Variants in HMX1 observed in about 807,000 individuals in gnomAD.
The protein encoded by HMX1 is homeobox protein HMX1.
A neutral mutation model predicts 8.9 loss-of-function variants in HMX1; 8 were observed. That is an observed-to-expected ratio of 0.90 (90% confidence interval 0.53 to 1.63). The LOEUF is 1.63. Ranked by LOEUF, HMX1 falls within the 40% of genes most tolerant of loss-of-function variation. HMX1 has a pLI of 0.00. For synonymous variants in HMX1, 311 were observed against 283.4 expected (o/e 1.10, Z -0.98); for missense variants, 621 against 558.5 (o/e 1.11, Z -1.13).
At chr4:8,863,600 G>A (rs545838400), downstream of HMX1, among the ~76,000 whole-genome samples, 1 of 152,274 alleles carries the variant, frequency 6.6e-6, no homozygotes, top group Non-Finnish European at 1.5e-5. Flanking sequence ...ATGGGGGTTC[G>A]GGAGTGCAAA....
chr4:8,857,843 C>T (rs1721663671), intron 1 of HMX1, among the ~76,000 whole-genome samples: 1 of 152,142 alleles, frequency 6.6e-6, no homozygotes. Context: ...CAGAGAAGTG[C>T]GCTCCTCCAG....
Position 8,870,180 on chromosome 4 carries a change from G to T in HMX1, c.394+1041C>A, listed in dbSNP as rs543826838. On this transcript the variant is annotated intron_variant, in intron 1 of 1. Coordinates refer to ENST00000400677, the MANE Select transcript of HMX1 (RefSeq NM_018942.3). The surrounding 1 kb of genome is among the most constrained non-coding windows in gnomAD (Gnocchi z 4.4). The stretch of plus-strand genomic sequence containing the variant: ...GATCCCAGAGCCGGAGCCTGCAGAG[G>T]GCCCACGTCCTCAGCTGGCCTCAAG... 3.3e-5 allele frequency among the ~76,000 whole-genome samples: 5 copies of T among 152,076 alleles called. No homozygotes were observed. Among genetic ancestry groups the T allele is most frequent in the African/African-American group, 1.2e-4 (5 of 41,480 alleles).
chr4:8,862,067 C>T (rs547483229), downstream of HMX1, among the ~76,000 whole-genome samples: 310 of 152,364 alleles, frequency 2.0e-3, 1 homozygote, highest in African/African-American at 7.2e-3. Context: ...GAGGCGACGC[C>T]CCGGCGCCAG....
At position 8,868,452 on chromosome 4, in the gene HMX1, G is replaced by A; in HGVS notation, c.395-107C>T. On this transcript the variant is annotated intron_variant, in intron 1 of 1. Transcript: ENST00000400677. The surrounding 1 kb of genome is among the most constrained non-coding windows in gnomAD (Gnocchi z 4.6). ...TGAGGTCGCTCACAGCCACAAGCAG[G>A]AAGACCTTCCAGCACAGGGCTGGGC... 1.1e-6 allele frequency: 1 copy of A among 894,232 alleles called. No homozygotes were observed. The highest frequency in any genetic ancestry group is 1.5e-6 in the Non-Finnish European group (1 of 673,826). The allele number at this position is 894,232 out of a possible 1,614,324, so 55.4% of individuals were successfully genotyped here. A position where few individuals can be genotyped will look rare whatever the true frequency, so the allele number is the denominator to read the frequency against.
chr4:8,861,016 C>T (rs1721791931), intron 1 of HMX1, among the ~76,000 whole-genome samples: 1 of 151,494 alleles, frequency 6.6e-6, no homozygotes, highest in Non-Finnish European at 1.5e-5. Context: ...GGGCGGGGCG[C>T]CCGGGAGGGC....
rs576356386 is a variant in HMX1, at chr4:8,870,143, G to A, written c.394+1078C>T. Among the ~76,000 whole-genome samples, 1 of 152,154 alleles carries A rather than the reference G, an allele frequency of 6.6e-6. No homozygotes were observed. Among genetic ancestry groups the A allele is most frequent in the African/African-American group, 2.4e-5 (1 of 41,498 alleles). On this transcript the variant is annotated intron_variant, in intron 1 of 1. Coordinates refer to ENST00000400677, the MANE Select transcript of HMX1 (RefSeq NM_018942.3). This position sits in a 1 kb window ranked among gnomAD's most constrained non-coding sequence, Gnocchi z 4.4. ...CCCAGCACACACTAATATTCATACA[G>A]AGGACAGCATGGATCCCAGAGCCGG... is the stretch of plus-strand genomic sequence containing the variant.
intron 1 of HMX1, among the ~76,000 whole-genome samples, chr4:8,855,503 A>T (rs1186235230): frequency 2.6e-5 from 4 of 151,992 alleles, no homozygotes; most frequent in Non-Finnish European, 4.4e-5. Flanking sequence ...CTCCTAGCAC[A>T]CTCTGGGGGT....
At chr4:8,858,199 C>A (rs1372072790) in intron 1 of HMX1, among the ~76,000 whole-genome samples, 2 of 152,210 alleles carry the variant, frequency 1.3e-5, no homozygotes, top group East Asian at 2.0e-4. Context: ...ATGAGCGAGG[C>A]CCGGATGTGC....
In HMX1 at chr4:8,871,261, T is replaced by C; in HGVS notation, c.354A>G (p.Pro118=). The change falls in exon 1 of 2, where the codon CCA becomes CCG. Residue 118 remains proline (P), a synonymous_variant. Coordinates refer to ENST00000400677, the MANE Select transcript of HMX1 (RefSeq NM_018942.3). This position sits in a 1 kb window ranked among gnomAD's most constrained non-coding sequence, Gnocchi z 4.8. ...CGCCTCCATAGCCACCGTGCGCCCG[T>C]GGGTACCAGCGCGCTGCGCCTCCGC... ...LGCGGAARWY[P]RAHGGYGGGL... The C allele has an allele frequency of 6.7e-7, 1 of 1,485,570 alleles. No individual in the cohort carries two copies. Among genetic ancestry groups the C allele is most frequent in the South Asian group, 1.2e-5 (1 of 80,322 alleles). 92.0% of individuals were successfully genotyped at this position (1,485,570 alleles called of 1,614,324 possible).
At chr4:8,861,133 G>A (rs968765291) in intron 1 of HMX1, among the ~76,000 whole-genome samples, 1 of 152,158 alleles carries the variant, frequency 6.6e-6, no homozygotes. Flanking sequence ...TCGGGGTTCC[G>A]TTCCATCTAG....
chr4:8,854,483 T>C (rs1721550407), intron 1 of HMX1, among the ~76,000 whole-genome samples: 1 of 152,232 alleles, frequency 6.6e-6, no homozygotes, highest in South Asian at 2.1e-4. Flanking sequence ...GTGCAAACAC[T>C]GAGGTTCCCC....
At position 8,849,653 on chromosome 4, in the gene HMX1, T is replaced by TC. The variant is rs948309713; in HGVS notation, c.395-3330dup. On this transcript the variant is annotated intron_variant, in intron 1 of 1. Transcript: ENST00000506970. The surrounding 1 kb of genome is among the most constrained non-coding windows in gnomAD (Gnocchi z 6.6). The stretch of plus-strand genomic sequence containing the variant: ...CACACGCAGGGCAGCTCTCCTGGGG[T>TC]CCCCCCGGCCCCAGCGTGCGGTCTT... Among the ~76,000 whole-genome samples the TC allele has an allele frequency of 4.0e-5, 6 of 148,924 alleles. No homozygotes were observed. The East Asian group carries it at 1.1e-3, about 28-fold the overall frequency.
chr4:8,857,320 G>T (rs1721638714), intron 1 of HMX1, among the ~76,000 whole-genome samples: 1 of 152,198 alleles, frequency 6.6e-6, no homozygotes, highest in African/African-American at 2.4e-5. Flanking sequence ...AGTCCTGGAG[G>T]GTCGGGCGGC....
chr4:8,864,406 G>A (rs1043905615), downstream of HMX1, among the ~76,000 whole-genome samples: 5 of 152,118 alleles, frequency 3.3e-5, no homozygotes, highest in Non-Finnish European at 5.9e-5. Flanking sequence ...ACTCAGGTGC[G>A]GAGAGGGTGA....
chr4:8,866,217 A>G (rs924946195), downstream of HMX1, among the ~76,000 whole-genome samples: 1 of 152,144 alleles, frequency 6.6e-6, no homozygotes, highest in Non-Finnish European at 1.5e-5. Context: ...GGCCCACTGC[A>G]CGCTCTCCTT....
chr4:8,855,562 G>A (rs1379713441), intron 1 of HMX1, among the ~76,000 whole-genome samples: 1 of 152,178 alleles, frequency 6.6e-6, no homozygotes, highest in African/African-American at 2.4e-5. Context: ...GACCCACCAG[G>A]TGCAAGAGTT....
In HMX1 at chr4:8,867,913, G is replaced by C; in HGVS notation, c.827C>G (p.Ala276Gly). ...LEAASLSPPG[A>G]QRLVRVPVLY... ...CACCGGCACGCGGACCAGGCGCTGC[G>C]CTCCCGGCGGGGACAGGCTGGCCGC... Residue 276 changes from alanine (A) to glycine (G), a missense_variant, in exon 2 of 2, where the codon GCG becomes GGG. Transcript: ENST00000400677. The C allele has an allele frequency of 2.1e-6, 3 of 1,425,518 alleles. No individual in the cohort carries two copies. The highest frequency in any genetic ancestry group is 1.4e-5 in the South Asian group (1 of 70,802). 88.3% of individuals were successfully genotyped at this position (1,425,518 alleles called of 1,614,324 possible).
chr4:8,851,707 G>A (rs1481968260), intron 1 of HMX1, among the ~76,000 whole-genome samples: 1 of 152,204 alleles, frequency 6.6e-6, no homozygotes, highest in African/African-American at 2.4e-5. Flanking sequence ...CCAGTCACTG[G>A]GCCTCTCGGG....
intron 1 of HMX1, among the ~76,000 whole-genome samples, chr4:8,846,660 A>G (rs1320512974): frequency 2.6e-5 from 4 of 151,600 alleles, no homozygotes; most frequent in African/African-American, 9.7e-5. Context: ...TGCCTCTTCC[A>G]CCTCTCACAC....
Sources: allele counts gnomAD v4.1 joint callset (sites outside exome capture counted in the v4.1 genomes callset), GRCh38; gene constraint gnomAD v4.1.1; non-coding constraint Gnocchi (gnomAD v3.1); transcripts MANE v1.5; gene names NCBI Gene and HGNC (gene_info 2026-07-23, HGNC 2026-07-21).